MOB1B: variants seen among roughly 807,000 people sequenced by gnomAD.
The protein encoded by MOB1B is MOB kinase activator 1B.
MOB1B carries 19 observed loss-of-function variants against 24.4 expected under a neutral mutation model. That is an observed-to-expected ratio of 0.78 (90% CI 0.54 to 1.14). The LOEUF is 1.14. Ranked by LOEUF, MOB1B falls within the 50% of genes most tolerant of loss-of-function variation. The pLI is 0.00. For missense variants in MOB1B, 243 were observed against 259.6 expected (o/e 0.94, Z 0.44); for synonymous variants, 76 against 82.1 (o/e 0.93, Z 0.40).
chr4:70,953,165 C>A (rs1320340995), intron 1 of MOB1B, among the ~76,000 whole-genome samples: 3 of 151,906 alleles, frequency 2.0e-5, no homozygotes, highest in Non-Finnish European at 2.9e-5. Flanking sequence ...TCTTGAACTC[C>A]TGACCTTAAG....
intron 1 of MOB1B, among the ~76,000 whole-genome samples, chr4:70,926,913 C>T (rs1027087203): frequency 2.0e-5 from 3 of 151,328 alleles, no homozygotes; most frequent in African/African-American, 7.3e-5. Context: ...AGGAGAATGG[C>T]GCAAACTCAG....
Position 70,979,934 on chromosome 4 carries a change from T to C in MOB1B, c.573+643T>C, listed in dbSNP as rs74286058. Among the ~76,000 whole-genome samples, 198 of 152,218 alleles carry C rather than the reference T, an allele frequency of 1.3e-3. 2 individuals carry two copies. In the East Asian group the frequency reaches 0.018, roughly 14 times the overall value. ...CACCATGCTCTAATAATAAGAGAAATAACAGGCAAAAATGAAAAAGAGGTG... is the reference window on the plus strand; with the variant it reads ...CACCATGCTCTAATAATAAGAGAAACAACAGGCAAAAATGAAAAAGAGGTG... On this transcript the variant is annotated intron_variant, in intron 5 of 5. Transcript: ENST00000309395.
chr4:70,945,843 A>G (rs1292577598), intron 1 of MOB1B, among the ~76,000 whole-genome samples: 3 of 152,196 alleles, frequency 2.0e-5, no homozygotes, highest in African/African-American at 7.2e-5. Context: ...CTGATTATCT[A>G]GGGATGACTA....
At chr4:70,904,545 G>C (rs1652623465) in intron 1 of MOB1B, among the ~76,000 whole-genome samples, 1 of 151,738 alleles carries the variant, frequency 6.6e-6, no homozygotes, top group South Asian at 2.1e-4. Context: ...CAGATCACCA[G>C]GTCAGGAGTT....
intron 2 of MOB1B, among the ~76,000 whole-genome samples, chr4:70,969,446 G>C (rs1738666267): frequency 6.6e-6 from 1 of 152,158 alleles, no homozygotes; most frequent in African/African-American, 2.4e-5. Flanking sequence ...CTTTAAGAAT[G>C]TGTTGGATTC....
intron 2 of MOB1B, among the ~76,000 whole-genome samples, chr4:70,961,000 T>C (rs1274014767): frequency 2.0e-5 from 3 of 152,198 alleles, no homozygotes; most frequent in Admixed American, 2.0e-4. Flanking sequence ...AGGGATACAT[T>C]CCAAGATGAC....
chr4:70,943,171 T>G (rs964519983), intron 1 of MOB1B, among the ~76,000 whole-genome samples: 24 of 152,116 alleles, frequency 1.6e-4, no homozygotes, highest in Non-Finnish European at 4.4e-5. Flanking sequence ...TTTCTGATGG[T>G]TTTTTTGACA....
chr4:70,969,084 T>G (rs1390695507), intron 2 of MOB1B, among the ~76,000 whole-genome samples: 1 of 152,232 alleles, frequency 6.6e-6, no homozygotes, highest in South Asian at 2.1e-4. Flanking sequence ...TCTGTTCCAT[T>G]GGTGTACTAA....
chr4:70,959,179 C>A, intron 2 of MOB1B, 139 bp downstream of exon 2: 1 of 654,726 alleles, frequency 1.5e-6, no homozygotes, highest in Non-Finnish European at 2.5e-6. Context: ...CTAACTTTAA[C>A]CTTCATGTTA....
chr4:70,944,075 G>A (rs28606453), intron 1 of MOB1B, among the ~76,000 whole-genome samples: 3,087 of 151,750 alleles, frequency 0.02, 90 homozygotes, highest in African/African-American at 0.069. Context: ...TTGAGACGGA[G>A]TCTTGCTCTG....
chr4:70,937,772 T>C (rs1469628762), intron 1 of MOB1B, among the ~76,000 whole-genome samples: 3 of 152,168 alleles, frequency 2.0e-5, no homozygotes, highest in Non-Finnish European at 4.4e-5. Flanking sequence ...GCCGTCTGCC[T>C]GGCTTGGCCT....
chr4:70,915,799 C>T (rs990744366), intron 1 of MOB1B, among the ~76,000 whole-genome samples: 3 of 151,398 alleles, frequency 2.0e-5, no homozygotes, highest in Non-Finnish European at 4.4e-5. Flanking sequence ...TATTGGGGAT[C>T]GTGGAACTGT....
intron 1 of MOB1B, among the ~76,000 whole-genome samples, chr4:70,913,905 G>T (rs945211509): frequency 8.4e-6 from 1 of 119,084 alleles, no homozygotes; most frequent in Non-Finnish European, 1.8e-5. Context: ...TTTACTGTAA[G>T]GAGGAATTTA....
At chr4:70,950,794 T>A (rs1314780499) in intron 1 of MOB1B, 5 of 1,526,844 alleles carry the variant, frequency 3.3e-6, no homozygotes, top group Non-Finnish European at 4.4e-6. Context: ...TGGAAGGAGC[T>A]ACTGATGTGA....
chr4:70,943,334 T>C (rs774015711), intron 1 of MOB1B, among the ~76,000 whole-genome samples: 2 of 152,230 alleles, frequency 1.3e-5, no homozygotes, highest in Non-Finnish European at 2.9e-5. Flanking sequence ...ACAGCACAGC[T>C]GTTATAACTG....
chr4:70,934,954 A>T (rs1201676785), intron 1 of MOB1B, among the ~76,000 whole-genome samples: 1 of 151,894 alleles, frequency 6.6e-6, no homozygotes, highest in African/African-American at 2.4e-5. Context: ...TTATATGTAT[A>T]TTTTTAGAGA....
At chr4:70,971,730 A>G (rs560407816) in intron 3 of MOB1B, among the ~76,000 whole-genome samples, 119 of 152,142 alleles carry the variant, frequency 7.8e-4, no homozygotes, top group South Asian at 1.2e-3. Context: ...TAATTTTTCT[A>G]TTCTGTGGTT....
At chr4:70,952,923 T>G (rs1259099138) in intron 1 of MOB1B, among the ~76,000 whole-genome samples, 1 of 150,760 alleles carries the variant, frequency 6.6e-6, no homozygotes, top group African/African-American at 2.4e-5. Context: ...CTCTGTCATT[T>G]TGTCATTTGG....
chr4:70,964,510 G>C (rs1348530140), intron 2 of MOB1B, among the ~76,000 whole-genome samples: 2 of 152,164 alleles, frequency 1.3e-5, no homozygotes, highest in Non-Finnish European at 2.9e-5. Context: ...CTAAAGCTGT[G>C]TTAGAGGAAA....
Sources: allele counts gnomAD v4.1 joint callset (sites outside exome capture counted in the v4.1 genomes callset), GRCh38; gene constraint gnomAD v4.1.1; transcripts MANE v1.5; gene names NCBI Gene and HGNC (gene_info 2026-07-23, HGNC 2026-07-21).